ABR: variants seen among roughly 807,000 people sequenced by gnomAD.
ABR encodes the protein ABR activator of RhoGEF and GTPase, also known as active breakpoint cluster region-related protein.
A neutral mutation model predicts 107.2 loss-of-function variants in ABR; 35 were observed. The ratio of observed to expected loss-of-function variants is 0.33; its 90% CI spans 0.25 to 0.43. The LOEUF is 0.43. Among genes scored for constraint, ABR ranks in the 20% least tolerant of loss-of-function variants. The pLI, the probability that ABR is intolerant of heterozygous loss-of-function variation, is 1.00. For missense variants in ABR, 815 were observed against 1,115.2 expected, an observed-to-expected ratio of 0.73 and a Z score of 3.83; for synonymous variants, 498 against 462.0, an observed-to-expected ratio of 1.08 and a Z score of -1.00.
At chr17:1,137,305 G>A (rs1185254599) in intron 1 of ABR, among the ~76,000 whole-genome samples, 1 of 152,186 alleles carries the variant, frequency 6.6e-6, no homozygotes, top group Admixed American at 6.5e-5. Flanking sequence ...GCCTCCCAAA[G>A]TGCTGGGATT....
intron 1 of ABR, among the ~76,000 whole-genome samples, chr17:1,169,047 C>T (rs1164506211): frequency 1.3e-5 from 2 of 152,226 alleles, no homozygotes; most frequent in African/African-American, 4.8e-5. Flanking sequence ...GTGACGCACT[C>T]GCAAAGTAAC....
chr17:1,158,829 C>G (rs2151558438), intron 1 of ABR, among the ~76,000 whole-genome samples: 1 of 152,066 alleles, frequency 6.6e-6, no homozygotes, highest in African/African-American at 2.4e-5. Flanking sequence ...GCTGAGGACA[C>G]AGAGGGCTGG....
Position 1,005,318 on chromosome 17 carries a change from G to C in ABR, c.*762C>G. On this transcript the variant is annotated 3_prime_UTR_variant, in exon 23 of 23. Coordinates refer to ENST00000302538, the MANE Select transcript of ABR (RefSeq NM_021962.5). ...GAGGCCGAACAGGTAAACCCCAGAA[G>C]TGGAGATTCCCAAACGGAAAATTCC... 1 of 396,772 alleles carries C rather than the reference G, an allele frequency of 2.5e-6. No homozygotes were observed. Among genetic ancestry groups the C allele is most frequent in the Non-Finnish European group, 4.4e-6 (1 of 225,378 alleles). The allele number at this position is 396,772 out of a possible 1,614,324, so 24.6% of individuals were successfully genotyped here.
intron 10 of ABR, among the ~76,000 whole-genome samples, chr17:1,061,000 AAAAAAAC>A (rs376290142): frequency 2.6e-4 from 40 of 152,242 alleles, no homozygotes; most frequent in Admixed American, 9.2e-4. Context: ...TCCATCTCAA[AAAAAAAC>A]AAAAAACAAA....
intron 1 of ABR, among the ~76,000 whole-genome samples, chr17:1,206,279 G>C (rs753408474): frequency 2.0e-5 from 3 of 152,214 alleles, no homozygotes; most frequent in African/African-American, 7.2e-5. Flanking sequence ...ACGTGACTGG[G>C]TTGTTGCGTG....
At position 1,100,747 on chromosome 17, in the gene ABR, C is replaced by T; in HGVS notation, c.247-12G>A. The T allele has an allele frequency of 6.2e-7, 1 of 1,613,906 alleles. No homozygotes were observed. On this transcript the variant is annotated splice_polypyrimidine_tract_variant and intron_variant, in intron 2 of 22. Coordinates refer to ENST00000302538, the MANE Select transcript of ABR (RefSeq NM_021962.5). ...TTCCCTGCTTCCACCTGCACAAACG[C>T]AAAGCACAGCCAACAGCTCATGAGC...
intron 1 of ABR, among the ~76,000 whole-genome samples, chr17:1,177,285 G>A (rs2041949372): frequency 1.3e-5 from 2 of 152,314 alleles, no homozygotes; most frequent in South Asian, 2.1e-4. Flanking sequence ...ACCTCCCCGG[G>A]AAGCCTCCTG....
intron 16 of ABR, among the ~76,000 whole-genome samples, chr17:1,030,871 C>T (rs753850085): frequency 5.3e-5 from 8 of 152,248 alleles, no homozygotes; most frequent in Non-Finnish European, 8.8e-5. Context: ...GCAGAGTTAT[C>T]GAGCACTTCC....
At chr17:1,082,900 G>C (rs1449048828) in intron 5 of ABR, among the ~76,000 whole-genome samples, 4 of 152,118 alleles carry the variant, frequency 2.6e-5, no homozygotes, top group African/African-American at 9.7e-5. Flanking sequence ...GGGAGGCTGA[G>C]ACGGGCACAT....
At chr17:1,020,365 G>T (rs1244719073) in intron 16 of ABR, among the ~76,000 whole-genome samples, 1 of 152,192 alleles carries the variant, frequency 6.6e-6, no homozygotes, top group Non-Finnish European at 1.5e-5. Context: ...TTCCAGGCGT[G>T]AGCCCCTGCA....
At chr17:1,093,589 G>C (rs28626832) in intron 3 of ABR, among the ~76,000 whole-genome samples, 4,369 of 152,212 alleles carry the variant, frequency 0.029, 211 homozygotes, top group African/African-American at 0.099. Flanking sequence ...ATTAAGTAGT[G>C]AGCTTTCCGA....
chr17:1,164,634 A>G lies in ABR; in HGVS notation c.61+15033T>C, dbSNP rs117688875. The stretch of plus-strand genomic sequence containing the variant: ...TCGGGTGAGCAACAGACTAGCTTTC[A>G]GTCTACTATGTCCTAAGTTTTGTAT... On this transcript the variant is annotated intron_variant, in intron 1 of 22. Coordinates refer to ENST00000302538, the MANE Select transcript of ABR (RefSeq NM_021962.5). Among the ~76,000 whole-genome samples, 720 of 152,336 alleles carry G rather than the reference A, an allele frequency of 4.7e-3. 21 individuals are homozygous for G. In the East Asian group the frequency reaches 0.054, roughly 11 times the overall value.
chr17:1,139,942 G>A (rs986461374), intron 1 of ABR, among the ~76,000 whole-genome samples: 2 of 152,160 alleles, frequency 1.3e-5, no homozygotes, highest in African/African-American at 4.8e-5. Context: ...GGTTGGCCCT[G>A]ATGAACAGAC....
At chr17:1,209,929 T>C (rs189970210) in intron 1 of ABR, among the ~76,000 whole-genome samples, 1 of 152,280 alleles carries the variant, frequency 6.6e-6, no homozygotes, top group East Asian at 1.9e-4. Flanking sequence ...TCAGCAAATT[T>C]ACGAATCACA....
At chr17:1,215,025 C>G (rs8080119) in intron 1 of ABR, among the ~76,000 whole-genome samples, 145,431 of 151,936 alleles carry the variant, frequency 0.96, 69,912 homozygotes, top group East Asian at 1. Flanking sequence ...TTTAAGACCA[C>G]CCTGGGCAAC....
At chr17:1,062,641 T>C (rs2034147352) in intron 10 of ABR, among the ~76,000 whole-genome samples, 1 of 144,732 alleles carries the variant, frequency 6.9e-6, no homozygotes, top group Non-Finnish European at 1.6e-5. Flanking sequence ...CTGAGGGCTA[T>C]GCATGTTCCT....
intron 1 of ABR, among the ~76,000 whole-genome samples, chr17:1,178,851 G>A (rs1157937947): frequency 6.6e-6 from 1 of 150,854 alleles, no homozygotes; most frequent in Non-Finnish European, 1.5e-5. Flanking sequence ...GGAGCAAGGT[G>A]CGGTGGTGGG....
intron 16 of ABR, among the ~76,000 whole-genome samples, chr17:1,033,176 C>T (rs956031387): frequency 2.6e-5 from 4 of 152,284 alleles, no homozygotes; most frequent in South Asian, 2.1e-4. Context: ...GCAGGTGGGT[C>T]GGGGCCCAGA....
chr17:1,203,623 C>CA (rs141676632), intron 1 of ABR, among the ~76,000 whole-genome samples: 23,802 of 152,040 alleles, frequency 0.16, 3,440 homozygotes, highest in African/African-American at 0.37. Context: ...CGCCCGCCGC[C>CA]GCTGCGAGGA....
Sources: gnomAD v4.1 joint callset for allele counts (sites outside exome capture counted in the v4.1 genomes callset) on GRCh38, gnomAD v4.1.1 for gene constraint, MANE v1.5 for transcripts, NCBI Gene and HGNC (gene_info 2026-07-23, HGNC 2026-07-21) for gene names.